Variants in MAN2A1 observed in about 807,000 individuals in gnomAD.
MAN2A1 encodes the protein mannosidase alpha class 2A member 1.
In MAN2A1, 76 loss-of-function variants were observed where a neutral mutation model predicts 142.6. The ratio of observed to expected loss-of-function variants is 0.53; its 90% CI spans 0.44 to 0.65. The LOEUF is 0.65. Ranked by LOEUF, MAN2A1 falls within the 30% of genes least tolerant of loss-of-function variation. The pLI is 0.00. For missense variants in MAN2A1, 1,311 were observed against 1,365.1 expected, an observed-to-expected ratio of 0.96 and a Z score of 0.62; for synonymous variants, 559 against 473.2, an observed-to-expected ratio of 1.18 and a Z score of -2.35.
intron 19 of MAN2A1, among the ~76,000 whole-genome samples, chr5:109,851,072 G>A (rs1326575457): frequency 5.9e-5 from 9 of 152,164 alleles, no homozygotes; most frequent in Non-Finnish European, 1.3e-4. Flanking sequence ...TGAATAGGAA[G>A]AGATTTTAAT....
chr5:109,798,427 A>T (rs1280494576), intron 12 of MAN2A1, among the ~76,000 whole-genome samples: 2 of 152,194 alleles, frequency 1.3e-5, no homozygotes, highest in East Asian at 1.9e-4. Context: ...GGGATGGCCC[A>T]TTAGCAGCTC....
At chr5:109,776,020 C>T (rs544811235) in intron 8 of MAN2A1, among the ~76,000 whole-genome samples, 4 of 150,882 alleles carry the variant, frequency 2.7e-5, no homozygotes, top group African/African-American at 9.7e-5. Context: ...ATATCTACCA[C>T]TTCAAACTTT....
intron 16 of MAN2A1, among the ~76,000 whole-genome samples, chr5:109,828,249 G>T (rs746694436): frequency 6.6e-6 from 1 of 152,104 alleles, no homozygotes; most frequent in Non-Finnish European, 1.5e-5. Context: ...CACTCTTCTG[G>T]GGGAAAAGTT....
chr5:109,770,243 T>C (rs1753107414), intron 6 of MAN2A1, 112 bp from the exon 7 acceptor site: 3 of 981,462 alleles, frequency 3.1e-6, no homozygotes, highest in Non-Finnish European at 4.6e-6. Flanking sequence ...GGGCTGCTGA[T>C]TTAGCACAGA....
intron 12 of MAN2A1, among the ~76,000 whole-genome samples, chr5:109,796,563 A>G (rs777103033): frequency 9.9e-5 from 14 of 140,926 alleles, no homozygotes; most frequent in Non-Finnish European, 2.0e-4. Context: ...TAAATCTGCC[A>G]GAAATAAAGT....
chr5:109,697,338 G>C (rs1444061350), intron 1 of MAN2A1, among the ~76,000 whole-genome samples: 1 of 152,202 alleles, frequency 6.6e-6, no homozygotes, highest in African/African-American at 2.4e-5. Context: ...TAAGGAGAGT[G>C]GATAGAGACT....
At chr5:109,778,857 A>G (rs1582888306) in intron 8 of MAN2A1, among the ~76,000 whole-genome samples, 1 of 152,162 alleles carries the variant, frequency 6.6e-6, no homozygotes, top group Non-Finnish European at 1.5e-5. Flanking sequence ...GAACTGGAGA[A>G]CAAAAGTAAA....
intron 16 of MAN2A1, among the ~76,000 whole-genome samples, chr5:109,840,877 T>C (rs1449540380): frequency 6.6e-6 from 1 of 151,800 alleles, no homozygotes; most frequent in Non-Finnish European, 1.5e-5. Flanking sequence ...GGGGCCTGCA[T>C]TTACACTCTT....
chr5:109,793,506 A>G (rs1035076850), intron 12 of MAN2A1, among the ~76,000 whole-genome samples: 1 of 152,250 alleles, frequency 6.6e-6, no homozygotes, highest in African/African-American at 2.4e-5. Flanking sequence ...TTCACATTCT[A>G]TGTGAAAATG....
chr5:109,706,413 C>T (rs1751133573), intron 1 of MAN2A1, among the ~76,000 whole-genome samples: 1 of 152,194 alleles, frequency 6.6e-6, no homozygotes, highest in Non-Finnish European at 1.5e-5. Flanking sequence ...TACTTGTTGG[C>T]AGGTCCTGTG....
At chr5:109,851,048 A>AG in intron 19 of MAN2A1, among the ~76,000 whole-genome samples, 1 of 152,202 alleles carries the variant, frequency 6.6e-6, no homozygotes, top group East Asian at 1.9e-4. Flanking sequence ...GAAGTGAAGT[A>AG]GGGGGATACT....
intron 4 of MAN2A1, among the ~76,000 whole-genome samples, chr5:109,738,996 C>T (rs978997238): frequency 6.6e-4 from 100 of 152,040 alleles, no homozygotes; most frequent in African/African-American, 2.3e-3. Context: ...GCGCACACCA[C>T]CACGGTGGCT....
intron 3 of MAN2A1, among the ~76,000 whole-genome samples, chr5:109,720,034 T>C (rs1281454259): frequency 6.6e-6 from 1 of 152,226 alleles, no homozygotes; most frequent in East Asian, 1.9e-4. Context: ...TCATGTTGTA[T>C]TTAATAAGCT....
Position 109,843,025 on chromosome 5 carries a change from C to G in MAN2A1, c.2700+564C>G, listed in dbSNP as rs984200568. 2.0e-5 allele frequency among the ~76,000 whole-genome samples: 3 copies of G among 151,892 alleles called. No homozygotes were observed. In the East Asian group the frequency reaches 5.8e-4, roughly 29 times the overall value. On this transcript the variant is annotated intron_variant, in intron 17 of 21. Coordinates refer to ENST00000261483, the MANE Select transcript of MAN2A1 (RefSeq NM_002372.4). ...TTCACCATGTTGGCCAGGCTGGTCT[C>G]GAACTCTTGGACTCAAGTGATCTGC...
chr5:109,823,901 T>A, intron 16 of MAN2A1, 64 bp downstream of exon 16: 1 of 732,632 alleles, frequency 1.4e-6, no homozygotes, highest in Non-Finnish European at 2.1e-6. Flanking sequence ...TTGCTTTTCT[T>A]ATGCCATTCT....
chr5:109,744,057 A>C (rs370920622), intron 4 of MAN2A1, among the ~76,000 whole-genome samples: 1 of 152,002 alleles, frequency 6.6e-6, no homozygotes. Flanking sequence ...TGCAGTGGAT[A>C]ATTTCAGTCT....
At chr5:109,690,599 CG>C in intron 1 of MAN2A1, 47 bp downstream of exon 1, 1 of 1,545,978 alleles carries the variant, frequency 6.5e-7, no homozygotes, top group Non-Finnish European at 8.7e-7. Context: ...GCCAGGCGTG[CG>C]GGCCCCTGGT....
chr5:109,850,817 T>G (rs992411144), intron 19 of MAN2A1, among the ~76,000 whole-genome samples: 24 of 152,348 alleles, frequency 1.6e-4, no homozygotes, highest in Admixed American at 2.0e-4. Context: ...GTTTTTATGT[T>G]GATTAAATTT....
At chr5:109,736,644 A>T (rs1039176811) in intron 4 of MAN2A1, among the ~76,000 whole-genome samples, 1 of 152,078 alleles carries the variant, frequency 6.6e-6, no homozygotes, top group Non-Finnish European at 1.5e-5. Context: ...AATTTATCCC[A>T]TGTGTAGTTA....
Sources: gnomAD v4.1 joint callset for allele counts (sites outside exome capture counted in the v4.1 genomes callset) on GRCh38, gnomAD v4.1.1 for gene constraint, MANE v1.5 for transcripts, NCBI Gene and HGNC (gene_info 2026-07-23, HGNC 2026-07-21) for gene names.